GRTP1: variants seen among roughly 807,000 people sequenced by gnomAD.
GRTP1 encodes growth hormone-regulated TBC protein 1.
A neutral mutation model predicts 38.1 loss-of-function variants in GRTP1; 56 were observed. The ratio of observed to expected loss-of-function variants is 1.47; its 90% CI spans 1.19 to 1.84. The LOEUF is 1.84. Among genes scored for constraint, GRTP1 ranks in the 40% most tolerant of loss-of-function variants. GRTP1 has a pLI of 0.00. For missense variants in GRTP1, 506 were observed against 453.9 expected (o/e 1.11, Z -1.04); for synonymous variants, 217 against 189.5 (o/e 1.14, Z -1.19).
In GRTP1 at chr13:113,355,669, C is replaced by CA. The variant is rs1488235759; in HGVS notation, c.182-189_182-188insT. Reference sequence around the variant, plus strand: ...TTAAAAATTCTGCTCTCCTCTCCCTCTCAACAGAGCACAAACCAGACTGGC... The same window carrying CA: ...TTAAAAATTCTGCTCTCCTCTCCCTCATCAACAGAGCACAAACCAGACTGGC... On this transcript the variant is annotated intron_variant, in intron 2 of 7. Coordinates refer to ENST00000375431, the MANE Select transcript of GRTP1 (RefSeq NM_024719.4). 2.7e-5 allele frequency: 16 copies of CA among 586,940 alleles called. No individual in the cohort carries two copies. In the Admixed American group the frequency reaches 5.7e-4, roughly 21 times the overall value. 36.4% of individuals were successfully genotyped at this position (586,940 alleles called of 1,614,324 possible).
chr13:113,360,537 T>C (rs770222078), intron 2 of GRTP1, among the ~76,000 whole-genome samples: 5 of 152,144 alleles, frequency 3.3e-5, no homozygotes, highest in Non-Finnish European at 5.9e-5. Context: ...CCACTCCAGT[T>C]TTATACCCGA....
chr13:113,351,083 G>A (rs2139497863), intron 3 of GRTP1, 110 bp from the exon 4 acceptor site: 1 of 1,421,002 alleles, frequency 7.0e-7, no homozygotes, highest in Non-Finnish European at 9.8e-7. Flanking sequence ...CTTACGGACT[G>A]GTTTTCACCC....
intron 5 of GRTP1, among the ~76,000 whole-genome samples, chr13:113,333,773 G>C (rs557764907): frequency 2.6e-5 from 4 of 151,772 alleles, no homozygotes; most frequent in Admixed American, 2.0e-4. Context: ...TTACAGGCGA[G>C]AGCCACCACG....
chr13:113,349,792 G>T lies in GRTP1; in HGVS notation c.465+1057C>A, dbSNP rs535816712. On this transcript the variant is annotated intron_variant, in intron 4 of 7. Transcript: ENST00000375431. This position sits in a 1 kb window ranked among gnomAD's most constrained non-coding sequence, Gnocchi z 5.0. Reference sequence around the variant, plus strand: ...GCAGGGGCTCCACACTCCTCCAAACGTTCACTCAAACTGCATTTTCTGGTT... The same window carrying T: ...GCAGGGGCTCCACACTCCTCCAAACTTTCACTCAAACTGCATTTTCTGGTT... Among the ~76,000 whole-genome samples the T allele has an allele frequency of 6.6e-6, 1 of 152,262 alleles. No individual in the cohort carries two copies. The highest frequency in any genetic ancestry group is 2.1e-4 in the South Asian group (1 of 4,828).
chr13:113,332,526 C>T (rs7981795), intron 5 of GRTP1, among the ~76,000 whole-genome samples: 150,087 of 152,370 alleles, frequency 0.99, 73,961 homozygotes, highest in Middle Eastern at 1. Context: ...TACTCCAGGG[C>T]GTGCTTCCCC....
Position 113,348,366 on chromosome 13 carries a change from G to A in GRTP1, c.465+2483C>T, listed in dbSNP as rs530164935. ...CTCAGGAGGCCAAGGTGGGAAAATC[G>A]CTTGAGCAAAGGAGGTTGAGGCTGC... On this transcript the variant is annotated intron_variant, in intron 4 of 7. Coordinates refer to ENST00000375431, the MANE Select transcript of GRTP1 (RefSeq NM_024719.4). The surrounding 1 kb of genome is among the most constrained non-coding windows in gnomAD (Gnocchi z 4.8). Among the ~76,000 whole-genome samples the A allele has an allele frequency of 2.6e-5, 4 of 152,242 alleles. No individual in the cohort carries two copies. Among genetic ancestry groups the A allele is most frequent in the Admixed American group, 6.5e-5 (1 of 15,278 alleles).
chr13:113,352,358 T>TTATATATATATATA (rs1566438042), intron 3 of GRTP1, among the ~76,000 whole-genome samples: 2 of 19,052 alleles, frequency 1.0e-4, no homozygotes, highest in Non-Finnish European at 1.9e-4. Context: ...TTTATATATA[T>TTATATATATATATA]TTTATATATA....
In GRTP1 at chr13:113,326,389, G is replaced by C. The variant is rs1336421586; in HGVS notation, c.563-298C>G. Among the ~76,000 whole-genome samples the C allele has an allele frequency of 2.3e-5, 2 of 85,344 alleles. 1 individual carries two copies. The highest frequency in any genetic ancestry group is 4.4e-5 in the Non-Finnish European group (2 of 45,704). The allele number at this position is 85,344 out of a possible 152,430, so 56.0% of individuals were successfully genotyped here. On this transcript the variant is annotated intron_variant, in intron 5 of 7. Coordinates refer to ENST00000375431, the MANE Select transcript of GRTP1 (RefSeq NM_024719.4). ...GAGGGTGGCGCGGTGGGGGGGGGGG[G>C]GGCGGGAGCGTGGCTCACACCTGTA...
At chr13:113,324,776 G>A (rs1595467886) in intron 7 of GRTP1, 199 bp from the exon 8 acceptor site, 13 of 1,326,890 alleles carry the variant, frequency 9.8e-6, no homozygotes, top group Non-Finnish European at 1.2e-5. Flanking sequence ...TTGCTGCTCA[G>A]AAATGTTAAA....
At chr13:113,364,141 C>T (rs1595522297), upstream of GRTP1, 4 of 844,980 alleles carry the variant, frequency 4.7e-6, no homozygotes, top group Non-Finnish European at 4.2e-6. Context: ...GGCGGGACCG[C>T]GGGCGCGTGG....
chr13:113,340,670 C>G (rs1332090745), intron 5 of GRTP1, among the ~76,000 whole-genome samples: 2 of 152,078 alleles, frequency 1.3e-5, no homozygotes, highest in Non-Finnish European at 2.9e-5. Context: ...GTCCCAGCTA[C>G]TCAGGAGGCT....
intron 5 of GRTP1, among the ~76,000 whole-genome samples, chr13:113,326,775 A>C (rs1169542743): frequency 6.6e-6 from 1 of 152,208 alleles, no homozygotes; most frequent in African/African-American, 2.4e-5. Context: ...CAAGAGATGG[A>C]GGCAACCCAC....
intron 2 of GRTP1, among the ~76,000 whole-genome samples, chr13:113,356,452 A>G (rs9805368): frequency 0.98 from 149,185 of 152,124 alleles, 73,211 homozygotes; most frequent in Middle Eastern, 1. Context: ...ATTCTTAGTA[A>G]AGACAGGATT....
chr13:113,354,422 G>T (rs985627963), intron 3 of GRTP1, among the ~76,000 whole-genome samples: 1 of 152,102 alleles, frequency 6.6e-6, no homozygotes, highest in Non-Finnish European at 1.5e-5. Flanking sequence ...AAGCCACTGG[G>T]TTTTTTAAAA....
At position 113,352,349 on chromosome 13, in the gene GRTP1, TTA is replaced by T. The variant is rs1204495784; in HGVS notation, c.341-1378_341-1377del. Among the ~76,000 whole-genome samples, 7 of 107,132 alleles carry T rather than the reference TTA, an allele frequency of 6.5e-5. No homozygotes were observed. The Admixed American group carries it at 8.7e-4, about 13-fold the overall frequency. 70.3% of individuals were successfully genotyped at this position (107,132 alleles called of 152,430 possible). A position where few individuals can be genotyped will look rare whatever the true frequency, so the allele number is the denominator to read the frequency against. On this transcript the variant is annotated intron_variant, in intron 3 of 7. Transcript: ENST00000375431. Reference sequence around the variant, plus strand: ...TTTTATATATATTTTATATATATATTTATATATATTTTATATATATATATATA... The same window carrying T: ...TTTTATATATATTTTATATATATATTTATATATTTTATATATATATATATA...
intron 5 of GRTP1, among the ~76,000 whole-genome samples, chr13:113,327,760 GGA>G (rs1043268582): frequency 6.6e-5 from 10 of 152,214 alleles, no homozygotes; most frequent in East Asian, 1.9e-4. Flanking sequence ...TTCCAGCTGG[GGA>G]GAGAGGGGTG....
At position 113,355,387 on chromosome 13, in the gene GRTP1, G is replaced by A. The variant is rs749871977; in HGVS notation, c.276C>T (p.Pro92=). The change falls in exon 3 of 8, where the codon CCC becomes CCT. Residue 92 remains proline (P), a synonymous_variant. Coordinates refer to ENST00000375431, the MANE Select transcript of GRTP1 (RefSeq NM_024719.4). ...SGAQAQMDQN[P]GYYHQLLQGE... is the part of the protein sequence containing the mutation. ...CCTGGAGAAGCTGGTGGTAGTAGCCGGGATTCTGGTCCATCTGCGCCTGGG... is the reference window on the plus strand; with the variant it reads ...CCTGGAGAAGCTGGTGGTAGTAGCCAGGATTCTGGTCCATCTGCGCCTGGG... 6.2e-7 allele frequency: 1 copy of A among 1,614,082 alleles called. No individual in the cohort carries two copies. The highest frequency in any genetic ancestry group is 8.5e-7 in the Non-Finnish European group (1 of 1,179,996).
intron 2 of GRTP1, chr13:113,359,506 C>G (rs1259462610): frequency 6.6e-6 from 1 of 152,234 alleles, no homozygotes; most frequent in African/African-American, 2.4e-5. Context: ...GATTGCTCCT[C>G]TAGGCTGCAG....
At chr13:113,325,438 C>G in intron 7 of GRTP1, 1 of 1,444,448 alleles carries the variant, frequency 6.9e-7, no homozygotes, top group Non-Finnish European at 9.0e-7. Context: ...CCAGGAGCAG[C>G]GTCCGCAGTG....
Sources: gnomAD v4.1 joint callset for allele counts (sites outside exome capture counted in the v4.1 genomes callset) on GRCh38, gnomAD v4.1.1 for gene constraint, Gnocchi (gnomAD v3.1) non-coding constraint, MANE v1.5 for transcripts, NCBI Gene and HGNC (gene_info 2026-07-23, HGNC 2026-07-21) for gene names.